Variants in SHLD2 observed in about 807,000 individuals in gnomAD.
SHLD2 encodes RINN1-REV7-interacting novel NHEJ regulator 2.
Under a neutral mutation model 73.2 loss-of-function variants are expected in SHLD2, and 30 were observed. The observed-to-expected ratio is 0.41, with a 90% CI of 0.31 to 0.56. SHLD2 has a LOEUF of 0.56. SHLD2 is among the 20% of genes least tolerant of loss of function. SHLD2 has a pLI of 0.28. For missense variants in SHLD2, 745 were observed against 1,055.9 expected (o/e 0.71, Z 4.08); for synonymous variants, 285 against 370.1 (o/e 0.77, Z 2.64).
At chr10:87,126,296 T>G (rs1844002562) in intron 2 of SHLD2, among the ~76,000 whole-genome samples, 1 of 152,120 alleles carries the variant, frequency 6.6e-6, no homozygotes, top group Admixed American at 6.6e-5. Context: ...CCTAGGCTGG[T>G]TTCGAACTCC....
In SHLD2 at chr10:87,145,827, C is replaced by T. The variant is rs1427552456; in HGVS notation, c.-5-5523C>T. ...TGAGAAATTGTATAATTATTAACTG[C>T]GGTAATGGAGATGTACTTGCAAGTT... On this transcript the variant is annotated intron_variant, in intron 2 of 9. Transcript: ENST00000298786. Among the ~76,000 whole-genome samples the T allele has an allele frequency of 8.6e-5, 13 of 151,248 alleles. 1 individual carries two copies. The East Asian group carries it at 9.7e-4, about 11-fold the overall frequency.
chr10:87,136,745 C>T (rs1416440388), intron 2 of SHLD2, among the ~76,000 whole-genome samples: 1 of 152,052 alleles, frequency 6.6e-6, no homozygotes, highest in Admixed American at 6.6e-5. Context: ...TTTACTTAAT[C>T]ATTCTACTCT....
Position 87,151,439 on chromosome 10 carries a change from T to G in SHLD2, c.85T>G (p.Leu29Val). 6.2e-7 allele frequency: 1 copy of G among 1,609,176 alleles called. No individual in the cohort carries two copies. The highest frequency in any genetic ancestry group is 1.1e-5 in the South Asian group (1 of 90,348). Residue 29 changes from leucine to valine, a missense_variant, in exon 3 of 10, where the codon TTA becomes GTA. This residue lies in a region of SHLD2 where 280 missense variants were observed against 353.9 expected (regional missense o/e 0.79). Coordinates refer to ENST00000298786, the MANE Select transcript of SHLD2 (RefSeq NM_001330112.2). ...KITVSEDTAS[L>V]MSVADPWKKI... ...CACAGTATCAGAAGACACAGCTTCT[T>G]TAATGTCTGTTGCTGACCCCTGGAA...
intron 6 of SHLD2, among the ~76,000 whole-genome samples, chr10:87,172,653 TAAAAAAAATAAAAAATA>T (rs1236450229): frequency 1.3e-5 from 2 of 151,496 alleles, no homozygotes; most frequent in Non-Finnish European, 2.9e-5. Context: ...GTTCTCATCT[TAAAAAAAATAAAAAATA>T]AAAAAAAATT....
chr10:87,145,516 A>G (rs1845540422), intron 2 of SHLD2, among the ~76,000 whole-genome samples: 1 of 151,996 alleles, frequency 6.6e-6, no homozygotes, highest in Admixed American at 6.6e-5. Context: ...CTATTGAGCA[A>G]CTTTATGATT....
rs1262727688 is a variant in SHLD2, at chr10:87,095,219, G to A, written c.-91G>A. 3 of 148,432 alleles carry A rather than the reference G, an allele frequency of 2.0e-5. No individual in the cohort carries two copies. Among genetic ancestry groups the A allele is most frequent in the South Asian group, 4.3e-4 (2 of 4,644 alleles). The allele number at this position is 148,432 out of a possible 1,614,324, so 9.2% of individuals were successfully genotyped here. ...CCACGGGCGGCCGGATTTGCCCGGAGGCCGCACCCGCCTCCGGCGGGGCTC... is the reference window on the plus strand; with the variant it reads ...CCACGGGCGGCCGGATTTGCCCGGAAGCCGCACCCGCCTCCGGCGGGGCTC... On this transcript the variant is annotated 5_prime_UTR_variant, in exon 1 of 10. Transcript: ENST00000298786.
chr10:87,185,973 C>T (rs1207527519), intron 8 of SHLD2, among the ~76,000 whole-genome samples: 3 of 152,104 alleles, frequency 2.0e-5, no homozygotes, highest in African/African-American at 4.8e-5. Context: ...CATCCCAAAG[C>T]GCTGGGATTA....
chr10:87,111,639 T>TAAAA (rs1842926805), intron 2 of SHLD2, among the ~76,000 whole-genome samples: 1 of 73,950 alleles, frequency 1.4e-5, no homozygotes, highest in African/African-American at 5.3e-5. Context: ...AGAGTCTGTC[T>TAAAA]CAAAAAAAAA....
In SHLD2 at chr10:87,187,139, A is replaced by G; in HGVS notation, c.2454A>G (p.Glu818=). ...DGRHDVCIRV[E]SKLIEKILLN... ...GACATGATGTTTGTATCCGTGTAGAATCAAAGCTGATAGAGAAGATTCTTC... is the reference window on the plus strand; with the variant it reads ...GACATGATGTTTGTATCCGTGTAGAGTCAAAGCTGATAGAGAAGATTCTTC... The change falls in exon 9 of 10, where the codon GAA becomes GAG. Residue 818 remains glutamate, a synonymous_variant. Coordinates refer to ENST00000298786, the MANE Select transcript of SHLD2 (RefSeq NM_001330112.2). The G allele has an allele frequency of 3.7e-6, 6 of 1,613,638 alleles. No individual in the cohort carries two copies. Among genetic ancestry groups the G allele is most frequent in the Non-Finnish European group, 5.1e-6 (6 of 1,179,626 alleles).
At chr10:87,133,047 A>G (rs1422748279) in intron 2 of SHLD2, among the ~76,000 whole-genome samples, 1 of 152,238 alleles carries the variant, frequency 6.6e-6, no homozygotes, top group African/African-American at 2.4e-5. Context: ...CAAAGGTCAC[A>G]TAGTTGGCAA....
chr10:87,116,581 G>A (rs928041203), intron 2 of SHLD2, among the ~76,000 whole-genome samples: 12 of 135,344 alleles, frequency 8.9e-5, no homozygotes, highest in African/African-American at 3.5e-4. Context: ...TCAGTGAAGG[G>A]GGGATAAGGT....
chr10:87,133,690 G>C (rs1363136160), intron 2 of SHLD2, among the ~76,000 whole-genome samples: 1 of 152,210 alleles, frequency 6.6e-6, no homozygotes, highest in Non-Finnish European at 1.5e-5. Context: ...GCTGGAAAAA[G>C]TATATATGTT....
intron 2 of SHLD2, among the ~76,000 whole-genome samples, chr10:87,146,089 T>C (rs936475149): frequency 6.6e-6 from 1 of 152,174 alleles, no homozygotes; most frequent in Non-Finnish European, 1.5e-5. Flanking sequence ...AAAAATTTAC[T>C]ATTTTTTGAT....
intron 2 of SHLD2, among the ~76,000 whole-genome samples, chr10:87,102,981 G>A (rs1842365399): frequency 6.6e-6 from 1 of 152,046 alleles, no homozygotes; most frequent in South Asian, 2.1e-4. Context: ...GGAGGCTGAG[G>A]TGGGCGGATC....
intron 2 of SHLD2, among the ~76,000 whole-genome samples, chr10:87,100,408 A>G (rs1277098591): frequency 6.6e-6 from 1 of 151,952 alleles, no homozygotes; most frequent in Non-Finnish European, 1.5e-5. Context: ...GTGAAAGTTT[A>G]TATCTGGACG....
At chr10:87,110,137 A>G (rs1164993948) in intron 2 of SHLD2, among the ~76,000 whole-genome samples, 1 of 151,704 alleles carries the variant, frequency 6.6e-6, no homozygotes, top group African/African-American at 2.4e-5. Flanking sequence ...AAAAATACAA[A>G]AATTAGCTGA....
intron 4 of SHLD2, among the ~76,000 whole-genome samples, chr10:87,163,412 T>C (rs1846964327): frequency 6.6e-6 from 1 of 152,186 alleles, no homozygotes; most frequent in Non-Finnish European, 1.5e-5. Flanking sequence ...GAAGTGACAC[T>C]AACAAATGAA....
intron 2 of SHLD2, among the ~76,000 whole-genome samples, chr10:87,143,141 C>T (rs867522840): frequency 1.3e-5 from 2 of 151,670 alleles, no homozygotes; most frequent in African/African-American, 4.8e-5. Flanking sequence ...ACCATGTTGC[C>T]TAGGCTGGTC....
intron 2 of SHLD2, among the ~76,000 whole-genome samples, chr10:87,121,129 A>G (rs950345931): frequency 2.9e-4 from 44 of 151,888 alleles, no homozygotes; most frequent in African/African-American, 1.0e-3. Flanking sequence ...TTTAATTTTA[A>G]TTTTTTATTT....
Sources: allele counts gnomAD v4.1 joint callset (sites outside exome capture counted in the v4.1 genomes callset), GRCh38; gene constraint gnomAD v4.1.1; regional missense constraint gnomAD v4.1.1; transcripts MANE v1.5; gene names NCBI Gene and HGNC (gene_info 2026-07-23, HGNC 2026-07-21).